The following PIK3C2G variants were observed in gnomAD, a reference collection of about 807,000 sequenced individuals.
PIK3C2G encodes the protein phosphatidylinositol 3-kinase C2 domain-containing subunit gamma.
PIK3C2G carries 168 observed loss-of-function variants against 181.1 expected under a neutral mutation model. The observed-to-expected ratio is 0.93, with a 90% confidence interval of 0.82 to 1.05. PIK3C2G has a LOEUF of 1.05. PIK3C2G is among the 50% of genes least tolerant of loss of function. The probability of loss-of-function intolerance (pLI) is 0.00; values close to 1 mark genes in which losing one functional copy is unlikely to be tolerated. For missense variants in PIK3C2G, 1,869 were observed against 1,732.8 expected (o/e 1.08, Z -1.40); for synonymous variants, 573 against 592.2 (o/e 0.97, Z 0.47).
intron 20 of PIK3C2G, among the ~76,000 whole-genome samples, chr12:18,492,678 A>G (rs1940669855): frequency 6.6e-6 from 1 of 152,180 alleles, no homozygotes; most frequent in Non-Finnish European, 1.5e-5. Context: ...CACTGAGTCC[A>G]TGTATTTTTT....
intron 8 of PIK3C2G, among the ~76,000 whole-genome samples, chr12:18,331,187 C>A (rs903189938): frequency 2.6e-5 from 4 of 151,992 alleles, no homozygotes; most frequent in African/African-American, 9.7e-5. Context: ...CAAAATCATT[C>A]TTGTTTAAAA....
intron 16 of PIK3C2G, among the ~76,000 whole-genome samples, chr12:18,415,397 TAC>T (rs1719818246): frequency 6.6e-6 from 1 of 152,202 alleles, no homozygotes; most frequent in Admixed American, 6.5e-5. Flanking sequence ...GCACCCACAG[TAC>T]AGAGTGAACT....
At chr12:18,717,430 C>T in the PIK3C2G span, among the ~76,000 whole-genome samples, 45 of 152,188 alleles carry the variant, frequency 3.0e-4, no homozygotes, top group Middle Eastern at 3.4e-3. Context: ...TAGAAGATAT[C>T]TTTTCTATTG....
intron 1 of PIK3C2G, among the ~76,000 whole-genome samples, chr12:18,268,689 A>G (rs1276786794): frequency 1.3e-5 from 2 of 152,166 alleles, no homozygotes; most frequent in Non-Finnish European, 2.9e-5. Flanking sequence ...GTGACTATTC[A>G]AACAGTGCGT....
At chr12:18,590,500 C>G (rs1027377672) in intron 29 of PIK3C2G, among the ~76,000 whole-genome samples, 4 of 151,864 alleles carry the variant, frequency 2.6e-5, no homozygotes, top group African/African-American at 9.7e-5. Context: ...AAAATGGCCC[C>G]TTAGAGTTGT....
the PIK3C2G span, among the ~76,000 whole-genome samples, chr12:18,664,084 C>A: frequency 1.6e-4 from 24 of 152,010 alleles, no homozygotes; most frequent in African/African-American, 5.6e-4. Flanking sequence ...CTATCAAAAA[C>A]CAAACCAGAC....
rs367935888 is a variant in PIK3C2G, at chr12:18,422,875, A to G, written c.2410-1070A>G. ...TCAGTCCAGCAGTAGCACGTGAATG[A>G]TAGAGTGCCATGGCTACAGTTTAAG... On this transcript the variant is annotated intron_variant, in intron 17 of 32. Coordinates refer to ENST00000538779, the MANE Select transcript of PIK3C2G (RefSeq NM_001288772.2). Among the ~76,000 whole-genome samples, 9 of 152,266 alleles carry G rather than the reference A, an allele frequency of 5.9e-5. No individual in the cohort carries two copies. In the East Asian group the frequency reaches 1.2e-3, roughly 20 times the overall value.
chr12:18,248,491 T>G (rs986170555), intron 1 of PIK3C2G, among the ~76,000 whole-genome samples: 1 of 152,102 alleles, frequency 6.6e-6, no homozygotes, highest in Admixed American at 6.5e-5. Flanking sequence ...GAGAATGGTG[T>G]GAACCCGGGG....
At chr12:18,692,757 G>A in the PIK3C2G span, 1 of 1,230,932 alleles carries the variant, frequency 8.1e-7, no homozygotes, top group South Asian at 1.2e-5. Flanking sequence ...CCCAGGCCAA[G>A]GCAAGATGGG....
the PIK3C2G span, among the ~76,000 whole-genome samples, chr12:18,697,322 C>T: frequency 1.5e-3 from 224 of 152,208 alleles, 1 homozygote; most frequent in African/African-American, 5.2e-3. Context: ...AAAAGTTACA[C>T]ATTCCTTGAG....
chr12:18,490,515 C>A (rs1940463169), intron 19 of PIK3C2G, among the ~76,000 whole-genome samples: 1 of 152,090 alleles, frequency 6.6e-6, no homozygotes, highest in Non-Finnish European at 1.5e-5. Flanking sequence ...ATTCCCCCTG[C>A]CCCCTGCTGC....
At chr12:18,323,820 C>A (rs1224190493) in intron 7 of PIK3C2G, among the ~76,000 whole-genome samples, 1 of 152,130 alleles carries the variant, frequency 6.6e-6, no homozygotes, top group Non-Finnish European at 1.5e-5. Flanking sequence ...CACTCACCTT[C>A]ACTACTTCCC....
chr12:18,403,413 G>T (rs1944360813), intron 16 of PIK3C2G, among the ~76,000 whole-genome samples: 1 of 152,100 alleles, frequency 6.6e-6, no homozygotes, highest in African/African-American at 2.4e-5. Context: ...TAAAAAACTT[G>T]AGGACAAGCT....
At chr12:18,458,447 T>G (rs929584096) in intron 18 of PIK3C2G, among the ~76,000 whole-genome samples, 24 of 152,116 alleles carry the variant, frequency 1.6e-4, no homozygotes, top group Non-Finnish European at 3.1e-4. Flanking sequence ...ATATATTATA[T>G]GAATGTTGGA....
At chr12:18,697,061 C>A in the PIK3C2G span, among the ~76,000 whole-genome samples, 1 of 152,078 alleles carries the variant, frequency 6.6e-6, no homozygotes, top group Admixed American at 6.6e-5. Flanking sequence ...CCATTTGGCA[C>A]CTTCTTCAAA....
the PIK3C2G span, chr12:18,723,521 C>T: frequency 6.2e-7 from 1 of 1,612,168 alleles, no homozygotes; most frequent in Non-Finnish European, 8.5e-7. Context: ...GTGATTCTTC[C>T]TTGTTTCAGC....
chr12:18,457,081 A>G (rs2135918597), intron 18 of PIK3C2G, among the ~76,000 whole-genome samples: 2 of 152,306 alleles, frequency 1.3e-5, no homozygotes, highest in Middle Eastern at 3.4e-3. Flanking sequence ...TAGAAAAAGG[A>G]ACAATAAGGG....
chr12:18,647,966 C>T lies in PIK3C2G; in HGVS notation c.4399C>T (p.Arg1467Ter), dbSNP rs372507637. The stretch of plus-strand genomic sequence containing the variant: ...TGTATTTGTGGGAGCAATTAACATC[C>T]GACTCTGTAGTGTCCCACTCGATAA... ...KTVFVGAINI[R>*]LCSVPLDKEK... Residue 1467 changes from arginine (R) to a stop codon, truncating the protein, a stop_gained, in exon 33 of 33, where the codon CGA becomes TGA. Transcript: ENST00000538779. LOFTEE classifies it high-confidence loss of function. 84 of 1,601,888 alleles carry T rather than the reference C, an allele frequency of 5.2e-5. 1 individual carries two copies. Among genetic ancestry groups the T allele is most frequent in the Middle Eastern group, 1.7e-4 (1 of 6,046 alleles).
chr12:18,723,375 A>T, the PIK3C2G span: 1 of 1,613,014 alleles, frequency 6.2e-7, no homozygotes, highest in Non-Finnish European at 8.5e-7. Flanking sequence ...TCTCAGCTGC[A>T]TATTGTTCTT....
Sources: allele counts gnomAD v4.1 joint callset (sites outside exome capture counted in the v4.1 genomes callset), GRCh38; gene constraint gnomAD v4.1.1; transcripts MANE v1.5; gene names NCBI Gene and HGNC (gene_info 2026-07-23, HGNC 2026-07-21).